Variants in KIAA1217 observed in about 807,000 individuals in gnomAD.
The protein encoded by KIAA1217 is KIAA1217, also known as sickle tail protein homolog.
In KIAA1217, 88 loss-of-function variants were observed where a neutral mutation model predicts 163.9. The ratio of observed to expected loss-of-function variants is 0.54; its 90% CI spans 0.45 to 0.64. The LOEUF (loss-of-function observed/expected upper bound fraction) is 0.64, where lower values mean the gene tolerates loss of function less well. KIAA1217 is among the 30% of genes least tolerant of loss of function. The pLI, the probability that KIAA1217 is intolerant of heterozygous loss-of-function variation, is 0.00. For missense variants in KIAA1217, 2,372 were observed against 2,475.0 expected (o/e 0.96, Z 0.88); for synonymous variants, 903 against 923.1 (o/e 0.98, Z 0.39).
intron 1 of KIAA1217, among the ~76,000 whole-genome samples, chr10:23,756,128 CTT>C (rs374311551): frequency 2.6e-4 from 36 of 139,734 alleles, no homozygotes; most frequent in Non-Finnish European, 2.5e-4. Context: ...GGCTAATTTT[CTT>C]TTTTTTTTTT....
At chr10:24,404,645 C>G (rs1591655966) in intron 3 of KIAA1217, among the ~76,000 whole-genome samples, 1 of 148,318 alleles carries the variant, frequency 6.7e-6, no homozygotes, top group South Asian at 2.2e-4. Flanking sequence ...TTGCATTTAT[C>G]TCAGACAAAT....
intron 5 of KIAA1217, among the ~76,000 whole-genome samples, chr10:24,464,678 C>G (rs1363131937): frequency 6.6e-6 from 1 of 152,122 alleles, no homozygotes; most frequent in Non-Finnish European, 1.5e-5. Flanking sequence ...ATAGGCTGGG[C>G]CTCCCTATGT....
At chr10:23,866,584 C>T (rs991659261) in intron 1 of KIAA1217, among the ~76,000 whole-genome samples, 1 of 151,970 alleles carries the variant, frequency 6.6e-6, no homozygotes, top group Non-Finnish European at 1.5e-5. Context: ...GCTTATCTCC[C>T]CCTCCTGGGA....
intron 1 of KIAA1217, among the ~76,000 whole-genome samples, chr10:23,926,387 A>G (rs1180623610): frequency 2.6e-5 from 4 of 152,244 alleles, no homozygotes; most frequent in Non-Finnish European, 4.4e-5. Context: ...TAAGAATGAT[A>G]GAGAATGCTG....
At position 24,424,792 on chromosome 10, in the gene KIAA1217, G is replaced by A. The variant is rs186656306; in HGVS notation, c.554-8203G>A. Among the ~76,000 whole-genome samples the A allele has an allele frequency of 6.5e-3, 989 of 152,130 alleles. 10 individuals are homozygous for A. The highest frequency in any genetic ancestry group is 0.023 in the African/African-American group (934 of 41,498). ...TAATTTTTGTATTTTTAGTAGAGAC[G>A]GGGTTTCACCATGTTGCCCAGGATG... On this transcript the variant is annotated intron_variant, in intron 3 of 20. Transcript: ENST00000376454.
intron 1 of KIAA1217, among the ~76,000 whole-genome samples, chr10:23,772,052 T>A (rs1834821017): frequency 6.6e-6 from 1 of 152,242 alleles, no homozygotes; most frequent in Non-Finnish European, 1.5e-5. Context: ...ATTTTAAAAG[T>A]GTGATTTAAA....
intron 2 of KIAA1217, among the ~76,000 whole-genome samples, chr10:24,303,189 T>A (rs1435620599): frequency 6.7e-6 from 1 of 149,378 alleles, no homozygotes; most frequent in Non-Finnish European, 1.5e-5. Context: ...AATTTTTAAA[T>A]TTTTTTTTTA....
At chr10:24,104,774 C>A (rs887527195) in intron 2 of KIAA1217, among the ~76,000 whole-genome samples, 3 of 152,164 alleles carry the variant, frequency 2.0e-5, no homozygotes, top group African/African-American at 7.2e-5. Flanking sequence ...TAGACGGTGA[C>A]TTTCTGGATT....
chr10:23,809,429 G>A (rs1047472443), intron 1 of KIAA1217, among the ~76,000 whole-genome samples: 1 of 151,766 alleles, frequency 6.6e-6, no homozygotes, highest in Admixed American at 6.6e-5. Context: ...TGTATAATTT[G>A]GGAGAGAAAT....
chr10:24,453,138 C>T (rs951411269), intron 5 of KIAA1217, among the ~76,000 whole-genome samples: 5 of 152,142 alleles, frequency 3.3e-5, no homozygotes, highest in African/African-American at 9.7e-5. Flanking sequence ...CTCAAGTCAC[C>T]GTTCCCAAGA....
intron 2 of KIAA1217, among the ~76,000 whole-genome samples, chr10:24,101,167 AAAATAC>A (rs1443616108): frequency 6.6e-6 from 1 of 152,248 alleles, no homozygotes; most frequent in African/African-American, 2.4e-5. Context: ...AGTCAAGGTC[AAAATAC>A]AGCCATGGCT....
At chr10:23,721,333 A>C (rs1837863754) in intron 1 of KIAA1217, among the ~76,000 whole-genome samples, 1 of 152,146 alleles carries the variant, frequency 6.6e-6, no homozygotes, top group Non-Finnish European at 1.5e-5. Context: ...GTATTATTTT[A>C]ATTTAGTGTA....
intron 2 of KIAA1217, among the ~76,000 whole-genome samples, chr10:24,155,617 T>A (rs2064838915): frequency 6.6e-6 from 1 of 151,984 alleles, no homozygotes; most frequent in Admixed American, 6.6e-5. Context: ...GGTCAGGAGT[T>A]CAAGACCAGC....
At chr10:24,407,257 C>CGTGTGTGTGTGT (rs10545826) in intron 3 of KIAA1217, among the ~76,000 whole-genome samples, 1 of 147,712 alleles carries the variant, frequency 6.8e-6, no homozygotes, top group African/African-American at 2.5e-5. Flanking sequence ...GATGAAGATA[C>CGTGTGTGTGTGT]GTGTGTGTGT....
At chr10:23,736,387 T>C (rs1008214277) in intron 1 of KIAA1217, among the ~76,000 whole-genome samples, 2 of 152,212 alleles carry the variant, frequency 1.3e-5, no homozygotes, top group African/African-American at 4.8e-5. Context: ...TCATGTGATC[T>C]CCAGTGCCGC....
At chr10:24,290,408 C>T (rs1164441395) in intron 2 of KIAA1217, among the ~76,000 whole-genome samples, 2 of 149,876 alleles carry the variant, frequency 1.3e-5, no homozygotes, top group African/African-American at 5.0e-5. Context: ...GCCACAAGTG[C>T]CCTAAAGTAG....
intron 1 of KIAA1217, among the ~76,000 whole-genome samples, chr10:23,988,250 G>A (rs1230845069): frequency 6.6e-6 from 1 of 152,228 alleles, no homozygotes; most frequent in Non-Finnish European, 1.5e-5. Flanking sequence ...GCAGAAGCCA[G>A]ATTGTTGCTC....
rs1021102447 is a variant in KIAA1217, at chr10:24,336,330, G to A, written c.355-44539G>A. 9.9e-5 allele frequency among the ~76,000 whole-genome samples: 15 copies of A among 152,208 alleles called. No homozygotes were observed. The South Asian group carries it at 1.0e-3, about 11-fold the overall frequency. On this transcript the variant is annotated intron_variant, in intron 2 of 20. Coordinates refer to ENST00000376454, the MANE Select transcript of KIAA1217 (RefSeq NM_019590.5). ...GCAAGAAAAAGAGCACAAAGAACAC[G>A]TATGGTAGACAACACAAAATTCAAA...
At chr10:24,282,274 G>A (rs528731047) in intron 2 of KIAA1217, among the ~76,000 whole-genome samples, 2 of 151,674 alleles carry the variant, frequency 1.3e-5, no homozygotes, top group Non-Finnish European at 1.5e-5. Context: ...CTTTCATCAC[G>A]AGGCTGAGGA....
Sources: allele counts gnomAD v4.1 joint callset (sites outside exome capture counted in the v4.1 genomes callset), GRCh38; gene constraint gnomAD v4.1.1; transcripts MANE v1.5; gene names NCBI Gene and HGNC (gene_info 2026-07-23, HGNC 2026-07-21).